The following SGPP2 variants were observed in gnomAD, a reference collection of about 807,000 sequenced individuals.
The protein encoded by SGPP2 is sphingosine 1-phosphate phosphohydrolase 2.
In SGPP2, 30 loss-of-function variants were observed where a neutral mutation model predicts 33.9. The ratio of observed to expected loss-of-function variants is 0.89; its 90% CI spans 0.66 to 1.20. The LOEUF (loss-of-function observed/expected upper bound fraction) is 1.20, where lower values mean the gene tolerates loss of function less well. Ranked by LOEUF, SGPP2 falls within the 50% of genes most tolerant of loss-of-function variation. The probability of loss-of-function intolerance (pLI) is 0.00; values close to 1 mark genes in which losing one functional copy is unlikely to be tolerated. For missense variants in SGPP2, 458 were observed against 532.1 expected (o/e 0.86, Z 1.37); for synonymous variants, 233 against 225.0 (o/e 1.04, Z -0.32).
intron 2 of SGPP2, among the ~76,000 whole-genome samples, chr2:222,518,535 A>G (rs1238047928): frequency 6.6e-6 from 1 of 152,206 alleles, no homozygotes; most frequent in Non-Finnish European, 1.5e-5. Context: ...AGTAGGACTG[A>G]GAAGTATATT....
intron 2 of SGPP2, among the ~76,000 whole-genome samples, chr2:222,481,964 T>G (rs1698036565): frequency 6.6e-6 from 1 of 152,238 alleles, no homozygotes; most frequent in Admixed American, 6.5e-5. Flanking sequence ...CTGATTATGC[T>G]GAAGCTCTGG....
In SGPP2 at chr2:222,477,058, T is replaced by A. The variant is rs960660924; in HGVS notation, c.378+2332T>A. Among the ~76,000 whole-genome samples, 1 of 151,770 alleles carries A rather than the reference T, an allele frequency of 6.6e-6. No homozygotes were observed. Among genetic ancestry groups the A allele is most frequent in the Admixed American group, 6.6e-5 (1 of 15,220 alleles). ...ATGTGTATGTGTGTATAGGTGTGTATATATGTGTGTTTATAGATATGTATA... is the reference window on the plus strand; with the variant it reads ...ATGTGTATGTGTGTATAGGTGTGTAAATATGTGTGTTTATAGATATGTATA... On this transcript the variant is annotated intron_variant, in intron 2 of 4. Transcript: ENST00000321276. The surrounding 1 kb of genome is among the most constrained non-coding windows in gnomAD (Gnocchi z 6.0).
At position 222,424,671 on chromosome 2, in the gene SGPP2, C is replaced by T; in HGVS notation, c.69C>T (p.Leu23=). Residue 23 remains leucine, a synonymous_variant, in exon 1 of 5, where the codon CTC becomes CTT. Coordinates refer to ENST00000321276, the MANE Select transcript of SGPP2 (RefSeq NM_152386.4). ...LVARFQRRCG[L]FPAPDEGPRE... ...CCCGCTTCCAGCGCCGCTGCGGGCT[C>T]TTCCCCGCTCCGGATGAAGGCCCCC... 1 of 1,445,088 alleles carries T rather than the reference C, an allele frequency of 6.9e-7. No homozygotes were observed. The highest frequency in any genetic ancestry group is 9.1e-7 in the Non-Finnish European group (1 of 1,099,716). 89.5% of individuals were successfully genotyped at this position (1,445,088 alleles called of 1,614,324 possible). A position where few individuals can be genotyped will look rare whatever the true frequency, so the allele number is the denominator to read the frequency against.
At chr2:222,456,289 C>T (rs1286192082) in intron 1 of SGPP2, among the ~76,000 whole-genome samples, 1 of 152,182 alleles carries the variant, frequency 6.6e-6, no homozygotes, top group Non-Finnish European at 1.5e-5. Flanking sequence ...TCTCCCATTC[C>T]ACACATCTAA....
At chr2:222,474,431 A>G (rs981767986) in intron 1 of SGPP2, 137 bp from the exon 2 acceptor site, 2 of 677,620 alleles carry the variant, frequency 3.0e-6, no homozygotes, top group African/African-American at 3.6e-5. Flanking sequence ...GTGTTCAGCC[A>G]CAGCAATGAT....
intron 1 of SGPP2, among the ~76,000 whole-genome samples, chr2:222,449,715 C>CTGCCAAGCTGATTTTCAAGA (rs1697455174): frequency 6.6e-6 from 1 of 152,186 alleles, no homozygotes; most frequent in Non-Finnish European, 1.5e-5. Flanking sequence ...ATGCACACTG[C>CTGCCAAGCTGATTTTCAAGA]TGCCAAGCTG....
At chr2:222,514,576 CTTCAGTGTACG>C (rs372992852) in intron 2 of SGPP2, among the ~76,000 whole-genome samples, 2 of 152,176 alleles carry the variant, frequency 1.3e-5, no homozygotes, top group African/African-American at 4.8e-5. Context: ...GCCTTGGAAA[CTTCAGTGTACG>C]TTCATAACCT....
chr2:222,553,276 T>C (rs1451387124), intron 4 of SGPP2, among the ~76,000 whole-genome samples: 1 of 152,222 alleles, frequency 6.6e-6, no homozygotes, highest in Admixed American at 6.5e-5. Context: ...CAATAAGATC[T>C]TGATGGAAGC....
chr2:222,480,881 G>A (rs72966771), intron 2 of SGPP2, among the ~76,000 whole-genome samples: 3,106 of 152,236 alleles, frequency 0.02, 49 homozygotes, highest in Non-Finnish European at 0.031. Flanking sequence ...ATCAATAATA[G>A]ACTGGATAAA....
At position 222,558,880 on chromosome 2, in the gene SGPP2, G is replaced by A. The variant is rs1383359057; in HGVS notation, c.1182G>A (p.Arg394=). 5 of 1,607,176 alleles carry A rather than the reference G, an allele frequency of 3.1e-6. No individual in the cohort carries two copies. The highest frequency in any genetic ancestry group is 3.4e-6 in the Non-Finnish European group (4 of 1,174,096). The change falls in exon 5 of 5, where the codon AGG becomes AGA. Residue 394 remains arginine, a synonymous_variant. Transcript: ENST00000321276. ...CAACCTTTGTGCCGATGCTTCACAGGTTTCTGGGATTACCCTGAGTCTCAA... is the reference window on the plus strand; with the variant it reads ...CAACCTTTGTGCCGATGCTTCACAGATTTCTGGGATTACCCTGAGTCTCAA... The part of the protein sequence containing the change: ...CATTFVPMLH[R]FLGLP
At chr2:222,555,448 T>A (rs1316943492) in intron 4 of SGPP2, among the ~76,000 whole-genome samples, 1 of 32,838 alleles carries the variant, frequency 3.0e-5, no homozygotes, top group African/African-American at 1.1e-4. Context: ...TTTATCCGTT[T>A]TTTTTTTTTT....
chr2:222,464,740 C>T (rs116344963), intron 1 of SGPP2, among the ~76,000 whole-genome samples: 2,490 of 152,308 alleles, frequency 0.016, 69 homozygotes, highest in African/African-American at 0.057. Context: ...ACCTCAGCCT[C>T]CCAAACAGCT....
At position 222,460,111 on chromosome 2, in the gene SGPP2, G is replaced by A. The variant is rs139708310; in HGVS notation, c.220-14457G>A. 2.8e-3 allele frequency among the ~76,000 whole-genome samples: 421 copies of A among 152,322 alleles called. 8 individuals carry two copies. Among genetic ancestry groups the A allele is most frequent in the Admixed American group, 0.022 (344 of 15,296 alleles). ...ACCCAGGGCCTCCGGGTTTGCTCGGGGTGGGCATTGCACAGCCTGTGGCAT... is the reference window on the plus strand; with the variant it reads ...ACCCAGGGCCTCCGGGTTTGCTCGGAGTGGGCATTGCACAGCCTGTGGCAT... On this transcript the variant is annotated intron_variant, in intron 1 of 4. Coordinates refer to ENST00000321276, the MANE Select transcript of SGPP2 (RefSeq NM_152386.4). This position sits in a 1 kb window ranked among gnomAD's most constrained non-coding sequence, Gnocchi z 4.3.
chr2:222,514,799 A>G (rs773840491), intron 2 of SGPP2, among the ~76,000 whole-genome samples: 10 of 152,186 alleles, frequency 6.6e-5, no homozygotes, highest in Admixed American at 3.3e-4. Context: ...CTAAATGCCA[A>G]TAGTGACTGC....
intron 1 of SGPP2, among the ~76,000 whole-genome samples, chr2:222,462,955 G>T (rs1422464320): frequency 2.6e-5 from 4 of 152,170 alleles, no homozygotes; most frequent in Admixed American, 1.3e-4. Context: ...TCTTTCATGT[G>T]TATGCACCCA....
At chr2:222,487,601 A>C (rs1320073095) in intron 2 of SGPP2, among the ~76,000 whole-genome samples, 2 of 152,136 alleles carry the variant, frequency 1.3e-5, no homozygotes, top group African/African-American at 4.8e-5. Flanking sequence ...ACCTCACTAG[A>C]GAAGACACCA....
chr2:222,530,638 G>A (rs961868796), intron 4 of SGPP2, among the ~76,000 whole-genome samples: 9 of 152,124 alleles, frequency 5.9e-5, no homozygotes, highest in Admixed American at 5.9e-4. Flanking sequence ...TTGGCTTAAG[G>A]GAATGTTGTG....
intron 4 of SGPP2, among the ~76,000 whole-genome samples, chr2:222,527,432 C>A (rs757160722): frequency 1.3e-5 from 2 of 152,226 alleles, no homozygotes; most frequent in Non-Finnish European, 2.9e-5. Flanking sequence ...CACCTTTAGG[C>A]TACTGTGAAT....
chr2:222,440,386 C>T (rs985117612), intron 1 of SGPP2, among the ~76,000 whole-genome samples: 2 of 151,898 alleles, frequency 1.3e-5, no homozygotes, highest in African/African-American at 4.8e-5. Flanking sequence ...TTCTGTTGCC[C>T]AGGCTGGAGT....
Sources: gnomAD v4.1 joint callset for allele counts (sites outside exome capture counted in the v4.1 genomes callset) on GRCh38, gnomAD v4.1.1 for gene constraint, Gnocchi (gnomAD v3.1) non-coding constraint, MANE v1.5 for transcripts, NCBI Gene and HGNC (gene_info 2026-07-23, HGNC 2026-07-21) for gene names.